Variants in USP49 observed in about 807,000 individuals in gnomAD.
USP49 encodes the protein ubiquitin specific peptidase 49.
A neutral mutation model predicts 58.6 loss-of-function variants in USP49; 24 were observed. The observed-to-expected ratio is 0.41, with a 90% confidence interval of 0.30 to 0.58. USP49 has a LOEUF of 0.58. Among genes scored for constraint, USP49 ranks in the 20% least tolerant of loss-of-function variants. The pLI is 0.30. For missense variants in USP49, 703 were observed against 866.1 expected (o/e 0.81, Z 2.36); for synonymous variants, 408 against 365.1 (o/e 1.12, Z -1.34).
At chr6:41,858,533 C>T (rs909826057) in intron 3 of USP49, among the ~76,000 whole-genome samples, 2 of 152,108 alleles carry the variant, frequency 1.3e-5, no homozygotes, top group African/African-American at 4.8e-5. Flanking sequence ...GCTAAGACCC[C>T]TTTTTCTCTC....
chr6:41,863,497 C>G (rs928166238), intron 3 of USP49, among the ~76,000 whole-genome samples: 1 of 152,174 alleles, frequency 6.6e-6, no homozygotes, highest in Non-Finnish European at 1.5e-5. Context: ...TAAGTATTAT[C>G]ACGGGTATTA....
Position 41,806,286 on chromosome 6 carries a change from C to T in USP49, c.698G>A (p.Arg233His), listed in dbSNP as rs1194459262. 7.5e-6 allele frequency: 12 copies of T among 1,600,662 alleles called. No individual in the cohort carries two copies. Among genetic ancestry groups the T allele is most frequent in the East Asian group, 2.2e-5 (1 of 44,774 alleles). ...ASRPAALPTS[R>H]RVPAATLKLR... ...CTTGAGTGTGGCGGCGGGCACTCTG[C>T]GTGAGGTAGGGAGGGCGGCGGGGCG... The change falls in exon 4 of 8, where the codon CGC becomes CAC. Residue 233 changes from arginine (R) to histidine (H), a missense_variant. Coordinates refer to ENST00000682992, the MANE Select transcript of USP49 (RefSeq NM_001286554.2). This position sits in a 1 kb window ranked among gnomAD's most constrained non-coding sequence, Gnocchi z 5.9.
intron 2 of USP49, among the ~76,000 whole-genome samples, chr6:41,884,315 G>A (rs1485037021): frequency 2.0e-5 from 3 of 152,152 alleles, no homozygotes; most frequent in Non-Finnish European, 2.9e-5. Context: ...GAGCCACCGC[G>A]CCAGGCCCAT....
intron 3 of USP49, among the ~76,000 whole-genome samples, chr6:41,860,675 T>G (rs933995377): frequency 5.5e-5 from 2 of 36,288 alleles, no homozygotes; most frequent in Non-Finnish European, 1.2e-4. Context: ...ACCCAGCTAA[T>G]TTTTTTTTTG....
intron 3 of USP49, among the ~76,000 whole-genome samples, chr6:41,815,891 C>T (rs1222479327): frequency 6.6e-6 from 1 of 152,200 alleles, no homozygotes; most frequent in Non-Finnish European, 1.5e-5. Context: ...GTTATGCCAG[C>T]ATGATAATAG....
chr6:41,880,437 C>T (rs1362820712), intron 2 of USP49, among the ~76,000 whole-genome samples: 1 of 151,950 alleles, frequency 6.6e-6, no homozygotes, highest in South Asian at 2.1e-4. Flanking sequence ...TTGAAAAGGC[C>T]CTCCAAGCGT....
At chr6:41,852,042 C>T (rs1463962684) in intron 3 of USP49, among the ~76,000 whole-genome samples, 2 of 149,340 alleles carry the variant, frequency 1.3e-5, no homozygotes, top group South Asian at 4.3e-4. Flanking sequence ...AATCCTGGGC[C>T]GGGCACGGTG....
intron 3 of USP49, among the ~76,000 whole-genome samples, chr6:41,846,000 A>G: frequency 6.6e-6 from 1 of 152,148 alleles, no homozygotes; most frequent in Non-Finnish European, 1.5e-5. Flanking sequence ...CATATCTCCA[A>G]TGCTTAATAA....
rs2127359366 is a variant in USP49, at chr6:41,871,601, T to C, written c.-66A>G. The C allele has an allele frequency of 6.6e-6, 1 of 152,326 alleles. No individual in the cohort carries two copies. The highest frequency in any genetic ancestry group is 1.9e-4 in the East Asian group (1 of 5,188). 9.4% of individuals were successfully genotyped at this position (152,326 alleles called of 1,614,324 possible). ...TTTTTTCCATCTTCTTCCATATTAT[T>C]CCACAGTCATTGGTTAGGTTTCCTC... On this transcript the variant is annotated 5_prime_UTR_variant, in exon 3 of 8. Transcript: ENST00000682992.
Position 41,837,760 on chromosome 6 carries a change from A to G in USP49, c.-28-30749T>C, listed in dbSNP as rs1313198219. Among the ~76,000 whole-genome samples, 3 of 152,242 alleles carry G rather than the reference A, an allele frequency of 2.0e-5. No individual in the cohort carries two copies. The East Asian group carries it at 5.8e-4, about 29-fold the overall frequency. Reference sequence around the variant, plus strand: ...CTATAAGGAACTTAAATTAACAAGCAAAAAACAAACAGCCCCATTAGAAAG... The same window carrying G: ...CTATAAGGAACTTAAATTAACAAGCGAAAAACAAACAGCCCCATTAGAAAG... On this transcript the variant is annotated intron_variant, in intron 3 of 7. Coordinates refer to ENST00000682992, the MANE Select transcript of USP49 (RefSeq NM_001286554.2).
At chr6:41,891,010 G>T (rs1458898671) in intron 2 of USP49, among the ~76,000 whole-genome samples, 1 of 152,192 alleles carries the variant, frequency 6.6e-6, no homozygotes, top group African/African-American at 2.4e-5. Context: ...CAACAACCTT[G>T]ATGTAATCTT....
At chr6:41,807,167 TAA>T (rs934142638) in intron 3 of USP49, among the ~76,000 whole-genome samples, 156 bp from the exon 4 acceptor site, 1 of 151,200 alleles carries the variant, frequency 6.6e-6, no homozygotes, top group Non-Finnish European at 1.5e-5. Flanking sequence ...CTTTGAAAGT[TAA>T]AAAAAGGCAC....
intron 3 of USP49, among the ~76,000 whole-genome samples, chr6:41,827,425 C>T (rs1394192450): frequency 3.3e-5 from 5 of 152,028 alleles, no homozygotes; most frequent in African/African-American, 1.2e-4. Flanking sequence ...TTTGGGAGGC[C>T]GAGGCGGATG....
intron 2 of USP49, among the ~76,000 whole-genome samples, chr6:41,874,526 A>G (rs1247370177): frequency 6.6e-6 from 1 of 152,212 alleles, no homozygotes; most frequent in Non-Finnish European, 1.5e-5. Flanking sequence ...GCTGTTACAT[A>G]TATTAACAAA....
intron 3 of USP49, among the ~76,000 whole-genome samples, chr6:41,858,016 T>C (rs1377239142): frequency 6.6e-6 from 1 of 152,122 alleles, no homozygotes; most frequent in African/African-American, 2.4e-5. Flanking sequence ...ACAGACAAAA[T>C]GCAAATGGGG....
chr6:41,817,367 C>A (rs1773373695), intron 3 of USP49, among the ~76,000 whole-genome samples: 1 of 149,578 alleles, frequency 6.7e-6, no homozygotes, highest in African/African-American at 2.5e-5. Flanking sequence ...AGAATGGTCT[C>A]AATCTCTTGA....
At chr6:41,836,763 A>G (rs1339011196) in intron 3 of USP49, among the ~76,000 whole-genome samples, 1 of 152,172 alleles carries the variant, frequency 6.6e-6, no homozygotes. Context: ...TGCAAAATCA[A>G]TGTACAAATA....
intron 3 of USP49, among the ~76,000 whole-genome samples, chr6:41,847,730 G>A (rs1452458486): frequency 6.6e-6 from 1 of 151,626 alleles, no homozygotes; most frequent in Non-Finnish European, 1.5e-5. Context: ...AAAAAGTAGA[G>A]TCACAGGAGC....
chr6:41,802,535 G>A lies in USP49; in HGVS notation c.1561+1271C>T, dbSNP rs184098683. 1.1e-3 allele frequency among the ~76,000 whole-genome samples: 151 copies of A among 140,714 alleles called. No individual in the cohort carries two copies. In the Middle Eastern group the frequency reaches 0.03, roughly 28 times the overall value. 92.3% of individuals were successfully genotyped at this position (140,714 alleles called of 152,430 possible). ...GTCACCCAGGCTGGAGTGCAGTGGC[G>A]CCCACCTTGGGGTCTCCCAAAGTCC... On this transcript the variant is annotated intron_variant, in intron 5 of 7. Coordinates refer to ENST00000682992, the MANE Select transcript of USP49 (RefSeq NM_001286554.2).
Sources: gnomAD v4.1 joint callset for allele counts (sites outside exome capture counted in the v4.1 genomes callset) on GRCh38, gnomAD v4.1.1 for gene constraint, Gnocchi (gnomAD v3.1) non-coding constraint, MANE v1.5 for transcripts, NCBI Gene and HGNC (gene_info 2026-07-23, HGNC 2026-07-21) for gene names.